Variants in KIAA0930 observed in about 807,000 individuals in gnomAD.
KIAA0930 encodes the protein KIAA0930, also known as uncharacterized protein KIAA0930.
A neutral mutation model predicts 43.9 loss-of-function variants in KIAA0930; 24 were observed. That is an observed-to-expected ratio of 0.55 (90% CI 0.40 to 0.77). KIAA0930 has a LOEUF of 0.77. KIAA0930 is among the 30% of genes least tolerant of loss of function. The probability of loss-of-function intolerance (pLI) is 0.00; values close to 1 mark genes in which losing one functional copy is unlikely to be tolerated. For synonymous variants in KIAA0930, 259 were observed against 216.4 expected (o/e 1.20, Z -1.73); for missense variants, 461 against 574.2 (o/e 0.80, Z 2.02).
Position 45,212,124 on chromosome 22 carries a change from G to C in KIAA0930, c.65-17C>G. 1 of 1,613,752 alleles carries C rather than the reference G, an allele frequency of 6.2e-7. No homozygotes were observed. On this transcript the variant is annotated splice_polypyrimidine_tract_variant and intron_variant, in intron 1 of 9. Coordinates refer to ENST00000336156, the MANE Select transcript of KIAA0930 (RefSeq NM_001009880.2). ...TGAAGCACCCTGCAGAGGGAGGCCA[G>C]ACAGGAGTGAGGAAGGACGGCCACC... is the stretch of plus-strand genomic sequence containing the variant.
chr22:45,238,875 GCTCTCTCTCTCT>G (rs141242172), intron 1 of KIAA0930, among the ~76,000 whole-genome samples: 3 of 145,488 alleles, frequency 2.1e-5, no homozygotes, highest in East Asian at 4.0e-4. Flanking sequence ...CCCTGGGCAG[GCTCTCTCTCTCT>G]CTCTCTCTCT....
At chr22:45,202,879 G>A in intron 7 of KIAA0930, 111 bp downstream of exon 7, 2 of 894,022 alleles carry the variant, frequency 2.2e-6, no homozygotes, top group South Asian at 1.8e-5. Context: ...CTGCGCACTG[G>A]TGGTTGGGGA....
At chr22:45,220,691 C>T (rs909641198) in intron 1 of KIAA0930, among the ~76,000 whole-genome samples, 5 of 152,108 alleles carry the variant, frequency 3.3e-5, no homozygotes, top group African/African-American at 1.2e-4. Context: ...AGCGATCCTC[C>T]CACCTTACTT....
At chr22:45,199,014 CCTGAGGATGACA>C (rs1428835765) in intron 8 of KIAA0930, among the ~76,000 whole-genome samples, 1 of 152,202 alleles carries the variant, frequency 6.6e-6, no homozygotes, top group Non-Finnish European at 1.5e-5. Flanking sequence ...CCCGCTGGGT[CCTGAGGATGACA>C]GTGAGGAAGG....
chr22:45,203,784 G>A, intron 6 of KIAA0930, 61 bp downstream of exon 6: 1 of 1,569,718 alleles, frequency 6.4e-7, no homozygotes, highest in Non-Finnish European at 8.6e-7. Flanking sequence ...GGACCACGGT[G>A]GGCTGTGGAG....
chr22:45,212,122 C>G lies in KIAA0930; in HGVS notation c.65-15G>C, dbSNP rs1261766669. 2 of 1,613,664 alleles carry G rather than the reference C, an allele frequency of 1.2e-6. No homozygotes were observed. The highest frequency in any genetic ancestry group is 2.7e-5 in the African/African-American group (2 of 74,940). On this transcript the variant is annotated splice_polypyrimidine_tract_variant and intron_variant, in intron 1 of 9. Coordinates refer to ENST00000336156, the MANE Select transcript of KIAA0930 (RefSeq NM_001009880.2). ...CTTGAAGCACCCTGCAGAGGGAGGC[C>G]AGACAGGAGTGAGGAAGGACGGCCA...
At chr22:45,216,180 C>A (rs1450453311) in intron 1 of KIAA0930, among the ~76,000 whole-genome samples, 1 of 152,216 alleles carries the variant, frequency 6.6e-6, no homozygotes, top group South Asian at 2.1e-4. Context: ...CCCGGAGGCA[C>A]AGTACAGTGT....
intron 1 of KIAA0930, among the ~76,000 whole-genome samples, chr22:45,225,585 C>T (rs985130959): frequency 1.3e-5 from 2 of 152,178 alleles, no homozygotes; most frequent in Non-Finnish European, 2.9e-5. Flanking sequence ...AGCCTTGCTC[C>T]CTCTCACCAG....
rs775157779 is a variant in KIAA0930 at position 45,199,882 on chromosome 22, C to T, written c.1006G>A (p.Asp336Asn). ...NDSEEFFRED[D>N]GGADLHNATN... The stretch of plus-strand genomic sequence containing the variant: ...CGGAGTGGGGGGTCACCTCCACCGT[C>T]GTCCTCCCGGAAGAACTCCTCGCTG... The change falls in exon 8 of 10, where the codon GAC (aspartate) becomes AAC (asparagine). Residue 336 changes from aspartate (D) to asparagine (N), a missense_variant. Physicochemically the swap from Asp to Asn is conservative, Grantham distance 23. Transcript: ENST00000336156. 7 of 1,580,380 alleles carry T rather than the reference C, an allele frequency of 4.4e-6. No individual in the cohort carries two copies. Among genetic ancestry groups the T allele is most frequent in the African/African-American group, 2.7e-5 (2 of 73,844 alleles).
rs1222689586 is a variant in KIAA0930, at chr22:45,205,886, C to A, written c.243G>T (p.Glu81Asp). Residue 81 changes from glutamate to aspartate, a missense_variant, in exon 3 of 10, where the codon GAG (glutamate) becomes GAT (aspartate). Transcript: ENST00000336156. ...GCTTCTTGGAGTCCCGCCGGTACAC[C>A]TCCACCTCCACCTCAGGCTCAGCTG... Reference protein sequence around the residue: ...RKAAEPEVEVEVYRRDSKKLP... With the variant: ...RKAAEPEVEVDVYRRDSKKLP... 1 of 1,613,540 alleles carries A rather than the reference C, an allele frequency of 6.2e-7. No homozygotes were observed. The highest frequency in any genetic ancestry group is 8.5e-7 in the Non-Finnish European group (1 of 1,179,974).
intron 1 of KIAA0930, among the ~76,000 whole-genome samples, chr22:45,231,254 C>T (rs536477092): frequency 3.3e-5 from 5 of 150,988 alleles, no homozygotes; most frequent in East Asian, 2.0e-4. Flanking sequence ...AGAAAATACA[C>T]AGGTTGAGCC....
At chr22:45,238,897 T>TCTCTCTCTCTCTCACC (rs1569087823) in intron 1 of KIAA0930, among the ~76,000 whole-genome samples, 1 of 151,510 alleles carries the variant, frequency 6.6e-6, no homozygotes, top group African/African-American at 2.4e-5. Flanking sequence ...TCTCTCTCTC[T>TCTCTCTCTCTCTCACC]CTCTCACCCT....
Position 45,203,901 on chromosome 22 carries a change from C to A in KIAA0930, c.601G>T (p.Val201Phe). 1 of 1,614,070 alleles carries A rather than the reference C, an allele frequency of 6.2e-7. No individual in the cohort carries two copies. The highest frequency in any genetic ancestry group is 8.5e-7 in the Non-Finnish European group (1 of 1,179,968). The change falls in exon 6 of 10, where the codon GTC becomes TTC. Residue 201 changes from valine (V) to phenylalanine (F), a missense_variant. By Grantham distance (50) the Val-to-Phe change is conservative. Coordinates refer to ENST00000336156, the MANE Select transcript of KIAA0930 (RefSeq NM_001009880.2). ...ASDKTNTFQGVIFQGSIRYEA... is the reference protein window; with the variant it reads ...ASDKTNTFQGFIFQGSIRYEA... ...TAGCGGATGGAGCCCTGAAAGATGA[C>A]CCCCTGGAACGTGTTGGTTTTGTCA...
Position 45,205,827 on chromosome 22 carries a change from T to A in KIAA0930, c.302A>T (p.Glu101Val). 1 of 1,406,586 alleles carries A rather than the reference T, an allele frequency of 7.1e-7. No individual in the cohort carries two copies. The highest frequency in any genetic ancestry group is 1.1e-5 in the South Asian group (1 of 88,086). 87.1% of individuals were successfully genotyped at this position (1,406,586 alleles called of 1,614,324 possible). The change falls in exon 3 of 10, where the codon GAG becomes GTG. Residue 101 changes from glutamate to valine, a missense_variant. Glu to Val is a moderately radical substitution (Grantham distance 121). Transcript: ENST00000336156. ...PGLGDPDIDW[E>V]ESVCLNLILQ... ...GATGAGATTCAGGCAGACGCTCTCCTCCCAGTCGATGTCAGGGTCTCCCAG... is the reference window on the plus strand; with the variant it reads ...GATGAGATTCAGGCAGACGCTCTCCACCCAGTCGATGTCAGGGTCTCCCAG...
In KIAA0930 at chr22:45,216,557, G is replaced by A. The variant is rs116432336; in HGVS notation, c.65-4450C>T. The stretch of plus-strand genomic sequence containing the variant: ...CAACTGGCTGTGAATAAACACACGA[G>A]GCACAGCTGGCCTGTGAAGTCACTG... On this transcript the variant is annotated intron_variant, in intron 1 of 9. Coordinates refer to ENST00000336156, the MANE Select transcript of KIAA0930 (RefSeq NM_001009880.2). Among the ~76,000 whole-genome samples, 611 of 152,218 alleles carry A rather than the reference G, an allele frequency of 4.0e-3. 5 individuals are homozygous for A. The highest frequency in any genetic ancestry group is 0.014 in the African/African-American group (591 of 41,524).
intron 1 of KIAA0930, among the ~76,000 whole-genome samples, chr22:45,214,166 G>A (rs941120366): frequency 2.6e-5 from 4 of 152,274 alleles, no homozygotes; most frequent in African/African-American, 9.6e-5. Context: ...AACAGAACGA[G>A]ACTCTGTCTC....
At chr22:45,198,824 T>C (rs1035348566) in intron 8 of KIAA0930, among the ~76,000 whole-genome samples, 1 of 152,168 alleles carries the variant, frequency 6.6e-6, no homozygotes, top group African/African-American at 2.4e-5. Context: ...TAATTTTTTG[T>C]ATTTTTAGTA....
intron 1 of KIAA0930, chr22:45,212,419 A>G: frequency 2.0e-6 from 3 of 1,533,700 alleles, no homozygotes; most frequent in Non-Finnish European, 2.6e-6. Flanking sequence ...GAAAATCCCG[A>G]GGAGCCAGGA....
chr22:45,212,487 G>GC (rs2083704112), intron 1 of KIAA0930: 1 of 1,435,302 alleles, frequency 7.0e-7, no homozygotes, highest in African/African-American at 1.4e-5. Flanking sequence ...CTGGGGGGGA[G>GC]CCTTTGGAGA....
Sources: gnomAD v4.1 joint callset for allele counts (sites outside exome capture counted in the v4.1 genomes callset) on GRCh38, gnomAD v4.1.1 for gene constraint, MANE v1.5 for transcripts, NCBI Gene and HGNC (gene_info 2026-07-23, HGNC 2026-07-21) for gene names.